SPPL2A: variants seen among roughly 807,000 people sequenced by gnomAD.
SPPL2A encodes signal peptide peptidase-like 2A.
SPPL2A carries 51 observed loss-of-function variants against 63.8 expected under a neutral mutation model. That is an observed-to-expected ratio of 0.80 (90% CI 0.64 to 1.01). The LOEUF (loss-of-function observed/expected upper bound fraction) is 1.01, where lower values mean the gene tolerates loss of function less well. SPPL2A is among the 50% of genes least tolerant of loss of function. The probability of loss-of-function intolerance (pLI) is 0.00; values close to 1 mark genes in which losing one functional copy is unlikely to be tolerated. For synonymous variants in SPPL2A, 188 were observed against 205.8 expected (o/e 0.91, Z 0.74); for missense variants, 553 against 622.7 (o/e 0.89, Z 1.19).
intron 14 of SPPL2A, among the ~76,000 whole-genome samples, chr15:50,710,820 A>C (rs554841390): frequency 4.6e-5 from 7 of 152,320 alleles, no homozygotes; most frequent in African/African-American, 1.7e-4. Context: ...GTGACATTTA[A>C]CAGACACAAC....
At chr15:50,708,415 T>C (rs1055798676) in intron 14 of SPPL2A, among the ~76,000 whole-genome samples, 9 of 151,982 alleles carry the variant, frequency 5.9e-5, no homozygotes, top group Admixed American at 3.3e-4. Context: ...AAACCAAGAA[T>C]ACATTTGCTA....
At chr15:50,755,317 C>CAA (rs112405405) in intron 1 of SPPL2A, among the ~76,000 whole-genome samples, 4 of 119,754 alleles carry the variant, frequency 3.3e-5, no homozygotes, top group African/African-American at 5.8e-5. Flanking sequence ...GACTCTGTCT[C>CAA]AAAAAAAAAA....
chr15:50,711,414 T>C (rs1253922554), intron 14 of SPPL2A, among the ~76,000 whole-genome samples: 1 of 152,086 alleles, frequency 6.6e-6, no homozygotes, highest in Non-Finnish European at 1.5e-5. Flanking sequence ...TTTCACTATG[T>C]TGGCCAGGCT....
intron 14 of SPPL2A, among the ~76,000 whole-genome samples, chr15:50,713,452 A>T (rs1042348418): frequency 1.3e-5 from 2 of 151,884 alleles, no homozygotes; most frequent in African/African-American, 4.8e-5. Context: ...TTTAGTAGAG[A>T]CAGGGTTTTA....
At chr15:50,749,894 A>G in intron 1 of SPPL2A, 148 bp from the exon 2 acceptor site, 1 of 620,888 alleles carries the variant, frequency 1.6e-6, no homozygotes, top group South Asian at 1.9e-5. Flanking sequence ...GTTTGAGGAA[A>G]TAAAAAGGAT....
intron 6 of SPPL2A, among the ~76,000 whole-genome samples, chr15:50,738,788 G>A (rs1003727355): frequency 6.6e-6 from 1 of 151,972 alleles, no homozygotes; most frequent in Non-Finnish European, 1.5e-5. Flanking sequence ...TTCAGGAGAT[G>A]GACAAGCCAT....
At chr15:50,760,707 T>C (rs1313039863) in intron 1 of SPPL2A, among the ~76,000 whole-genome samples, 1 of 151,988 alleles carries the variant, frequency 6.6e-6, no homozygotes, top group Non-Finnish European at 1.5e-5. Context: ...GGGGTGGGGC[T>C]GTTGGGGGTG....
At chr15:50,757,089 C>CTTTCTTTTTTTTTTTTTT (rs537107994) in intron 1 of SPPL2A, among the ~76,000 whole-genome samples, 6 of 128,378 alleles carry the variant, frequency 4.7e-5, no homozygotes, top group African/African-American at 1.8e-4. Flanking sequence ...TAAATCCTTT[C>CTTTCTTTTTTTTTTTTTT]TTTTTTTTTT....
intron 1 of SPPL2A, among the ~76,000 whole-genome samples, chr15:50,762,763 C>T (rs755248498): frequency 3.5e-5 from 5 of 144,786 alleles, no homozygotes; most frequent in African/African-American, 1.3e-4. Context: ...GATGGAGTCT[C>T]GCTCTGTCAC....
chr15:50,736,252 A>T (rs1249901424), intron 7 of SPPL2A, 50 bp from the exon 8 acceptor site: 2 of 1,072,046 alleles, frequency 1.9e-6, no homozygotes, highest in East Asian at 4.7e-5. Context: ...TACAATGTTC[A>T]CTTGATATAA....
intron 10 of SPPL2A, among the ~76,000 whole-genome samples, chr15:50,729,561 C>A (rs2062714549): frequency 6.6e-6 from 1 of 151,714 alleles, no homozygotes; most frequent in African/African-American, 2.4e-5. Context: ...GTTAAGGCTG[C>A]AGTAAGTCAT....
chr15:50,752,423 A>G (rs1169513716), intron 1 of SPPL2A, among the ~76,000 whole-genome samples: 1 of 151,952 alleles, frequency 6.6e-6, no homozygotes, highest in East Asian at 1.9e-4. Flanking sequence ...CTCTACTAAA[A>G]ATACAAAAAT....
At position 50,749,533 on chromosome 15, in the gene SPPL2A, G is replaced by C. The variant is rs561663943; in HGVS notation, c.177+103C>G. On this transcript the variant is annotated intron_variant, in intron 2 of 14. Transcript: ENST00000261854. The stretch of plus-strand genomic sequence containing the variant: ...GATCTCCTGACCTCATGATCCGCCC[G>C]CCTTGGCCTCCCAAAGTGCTGGGAT... 1.8e-3 allele frequency: 1,372 copies of C among 747,476 alleles called. 14 individuals carry two copies. In the East Asian group the frequency reaches 0.032, roughly 18 times the overall value. 46.3% of individuals were successfully genotyped at this position (747,476 alleles called of 1,614,324 possible).
intron 12 of SPPL2A, among the ~76,000 whole-genome samples, chr15:50,722,927 C>G (rs1360350122): frequency 1.3e-5 from 2 of 151,888 alleles, no homozygotes; most frequent in Non-Finnish European, 2.9e-5. Flanking sequence ...GGGTTAACAC[C>G]TAAAATATAT....
At chr15:50,757,679 T>C (rs1001704215) in intron 1 of SPPL2A, among the ~76,000 whole-genome samples, 3 of 152,226 alleles carry the variant, frequency 2.0e-5, no homozygotes, top group Non-Finnish European at 4.4e-5. Context: ...GTGCCTGTTA[T>C]GGTATTCTGG....
intron 10 of SPPL2A, among the ~76,000 whole-genome samples, chr15:50,729,630 G>GA (rs1218263730): frequency 6.7e-6 from 1 of 150,044 alleles, no homozygotes; most frequent in Non-Finnish European, 1.5e-5. Flanking sequence ...CAAAGAAGAG[G>GA]AAAAAACCAA....
chr15:50,713,291 G>GAGT (rs2062574089), intron 14 of SPPL2A, among the ~76,000 whole-genome samples: 1 of 144,228 alleles, frequency 6.9e-6, no homozygotes, highest in South Asian at 2.2e-4. Context: ...TTTTGAGATA[G>GAGT]AGTCTTGCTG....
At chr15:50,747,399 A>G (rs2062866475) in intron 5 of SPPL2A, 96 bp downstream of exon 5, 1 of 1,012,554 alleles carries the variant, frequency 9.9e-7, no homozygotes, top group African/African-American at 1.6e-5. Context: ...TCATATTCTG[A>G]GGGCAGATAA....
At chr15:50,723,962 T>C (rs2062666971) in intron 12 of SPPL2A, among the ~76,000 whole-genome samples, 1 of 152,196 alleles carries the variant, frequency 6.6e-6, no homozygotes, top group Non-Finnish European at 1.5e-5. Flanking sequence ...TTCAATAATG[T>C]AGTATTTATA....
Sources: gnomAD v4.1 joint callset for allele counts (sites outside exome capture counted in the v4.1 genomes callset) on GRCh38, gnomAD v4.1.1 for gene constraint, MANE v1.5 for transcripts, NCBI Gene and HGNC (gene_info 2026-07-23, HGNC 2026-07-21) for gene names.